MARCHF4: variants seen among roughly 807,000 people sequenced by gnomAD.
MARCHF4 encodes membrane associated ring-CH-type finger 4.
In MARCHF4, 14 loss-of-function variants were observed where a neutral mutation model predicts 43.9. The ratio of observed to expected loss-of-function variants is 0.32; its 90% CI spans 0.21 to 0.50. The LOEUF is 0.50. MARCHF4 is among the 20% of genes least tolerant of loss of function. MARCHF4 has a pLI of 0.98. For missense variants in MARCHF4, 468 were observed against 536.7 expected, an observed-to-expected ratio of 0.87 and a Z score of 1.27; for synonymous variants, 226 against 213.3, an observed-to-expected ratio of 1.06 and a Z score of -0.52.
intron 1 of MARCHF4, among the ~76,000 whole-genome samples, chr2:216,331,612 A>G (rs1692082276): frequency 1.3e-5 from 2 of 152,202 alleles, no homozygotes; most frequent in Non-Finnish European, 2.9e-5. Context: ...ATCCAATGAT[A>G]CATAAAATAG....
At chr2:216,268,561 A>G (rs1200233296) in intron 3 of MARCHF4, among the ~76,000 whole-genome samples, 1 of 152,192 alleles carries the variant, frequency 6.6e-6, no homozygotes, top group Non-Finnish European at 1.5e-5. Context: ...CACTTCTGCC[A>G]TGATTGTAAG....
At chr2:216,343,561 A>T (rs920121670) in intron 1 of MARCHF4, among the ~76,000 whole-genome samples, 1 of 152,148 alleles carries the variant, frequency 6.6e-6, no homozygotes, top group Non-Finnish European at 1.5e-5. Flanking sequence ...TTAGTCCATA[A>T]TAGCGTCAGA....
intron 1 of MARCHF4, among the ~76,000 whole-genome samples, chr2:216,299,476 T>A (rs1345605113): frequency 2.0e-5 from 3 of 152,120 alleles, no homozygotes; most frequent in Non-Finnish European, 4.4e-5. Context: ...CTCTGTAAGA[T>A]ACCTAGATAT....
At chr2:216,345,151 G>A (rs1490816426) in intron 1 of MARCHF4, among the ~76,000 whole-genome samples, 2 of 152,050 alleles carry the variant, frequency 1.3e-5, no homozygotes, top group African/African-American at 2.4e-5. Flanking sequence ...AGGCTGAATA[G>A]TGGGAGGTCC....
chr2:216,274,739 C>T (rs1046347023), intron 3 of MARCHF4, among the ~76,000 whole-genome samples: 5 of 152,176 alleles, frequency 3.3e-5, no homozygotes, highest in Non-Finnish European at 7.3e-5. Context: ...CCTATGAAAA[C>T]CCTGAACTGA....
intron 1 of MARCHF4, among the ~76,000 whole-genome samples, chr2:216,293,690 C>G (rs1406673504): frequency 1.2e-5 from 1 of 85,618 alleles, no homozygotes; most frequent in African/African-American, 2.8e-5. Context: ...GTGCTTTTCT[C>G]CCTATAATTT....
At chr2:216,296,692 A>G (rs973096893) in intron 1 of MARCHF4, among the ~76,000 whole-genome samples, 4 of 152,212 alleles carry the variant, frequency 2.6e-5, no homozygotes, top group African/African-American at 9.7e-5. Flanking sequence ...TTCTCTGCCC[A>G]CTTTATAAAG....
At chr2:216,348,597 T>C (rs550621827) in intron 1 of MARCHF4, among the ~76,000 whole-genome samples, 133 of 152,302 alleles carry the variant, frequency 8.7e-4, no homozygotes, top group Middle Eastern at 3.4e-3. Flanking sequence ...CACCCCTGTT[T>C]AGTATATCAT....
At chr2:216,309,372 C>T (rs958714647) in intron 1 of MARCHF4, among the ~76,000 whole-genome samples, 1 of 152,088 alleles carries the variant, frequency 6.6e-6, no homozygotes, top group African/African-American at 2.4e-5. Flanking sequence ...AACTCTTTTT[C>T]CAAAATATTT....
chr2:216,320,010 C>A (rs187079333), intron 1 of MARCHF4, among the ~76,000 whole-genome samples: 1 of 152,310 alleles, frequency 6.6e-6, no homozygotes, highest in East Asian at 1.9e-4. Context: ...AGTTTAGAAG[C>A]TGAATCATTA....
Position 216,371,854 on chromosome 2 carries a change from G to A in MARCHF4, c.-1594C>T, listed in dbSNP as rs1467744463. 1 of 152,180 alleles carries A rather than the reference G, an allele frequency of 6.6e-6. No homozygotes were observed. The highest frequency in any genetic ancestry group is 1.5e-5 in the Non-Finnish European group (1 of 68,062). 9.4% of individuals were successfully genotyped at this position (152,180 alleles called of 1,614,324 possible). On this transcript the variant is annotated 5_prime_UTR_variant, in exon 1 of 4. Transcript: ENST00000273067. ...CTCTGCCCCCGCTACCCCCACCAAG[G>A]GCGGCCTCGGCCCGCTCTCTGCCCC...
chr2:216,268,104 C>A (rs1690873345), intron 3 of MARCHF4, among the ~76,000 whole-genome samples: 1 of 152,194 alleles, frequency 6.6e-6, no homozygotes, highest in South Asian at 2.1e-4. Flanking sequence ...AGTTTTGTGG[C>A]CCAGCCCAAT....
chr2:216,327,957 CA>C (rs113198806), intron 1 of MARCHF4, among the ~76,000 whole-genome samples: 3,084 of 87,898 alleles, frequency 0.035, 82 homozygotes, highest in African/African-American at 0.11. Flanking sequence ...TATTAGCTTG[CA>C]AAAAAAAAAA....
At position 216,353,541 on chromosome 2, in the gene MARCHF4, TTTC is replaced by T. The variant is rs551222807; in HGVS notation, c.516+16201_516+16203del. ...GTCCCCTCACCTCTCTGGGTCCTTG[TTTC>T]TTCTTCTTCTTCTTTTTTTCTGCGA... On this transcript the variant is annotated intron_variant, in intron 1 of 3. Coordinates refer to ENST00000273067, the MANE Select transcript of MARCHF4 (RefSeq NM_020814.3). Among the ~76,000 whole-genome samples, 856 of 152,176 alleles carry T rather than the reference TTTC, an allele frequency of 5.6e-3. 8 individuals are homozygous for T. Among genetic ancestry groups the T allele is most frequent in the African/African-American group, 0.019 (792 of 41,512 alleles).
At chr2:216,262,199 A>C (rs937391919) in intron 3 of MARCHF4, among the ~76,000 whole-genome samples, 1 of 152,214 alleles carries the variant, frequency 6.6e-6, no homozygotes, top group Non-Finnish European at 1.5e-5. Context: ...AGGAGTGTGA[A>C]TTTACAAGGG....
Position 216,370,114 on chromosome 2 carries a change from C to A in MARCHF4, c.147G>T (p.Leu49=). 1 of 1,600,886 alleles carries A rather than the reference C, an allele frequency of 6.2e-7. No individual in the cohort carries two copies. The highest frequency in any genetic ancestry group is 1.7e-5 in the Admixed American group (1 of 57,820). Residue 49 remains leucine, a synonymous_variant, in exon 1 of 4, where the codon CTG becomes CTT. Coordinates refer to ENST00000273067, the MANE Select transcript of MARCHF4 (RefSeq NM_020814.3). ...KCRCRMLFND[L]KVFLLRRPPQ... Reference sequence around the variant, plus strand: ...GAGGGCGCCGCAGTAAGAAAACCTTCAGGTCATTGAAGAGCATGCGGCAGC... The same window carrying A: ...GAGGGCGCCGCAGTAAGAAAACCTTAAGGTCATTGAAGAGCATGCGGCAGC...
At chr2:216,333,317 A>G (rs1007544837) in intron 1 of MARCHF4, among the ~76,000 whole-genome samples, 2 of 152,276 alleles carry the variant, frequency 1.3e-5, no homozygotes, top group Non-Finnish European at 2.9e-5. Context: ...AACCCTGTAG[A>G]AAAATGAGTA....
At chr2:216,265,195 G>C (rs1690825103) in intron 3 of MARCHF4, among the ~76,000 whole-genome samples, 1 of 151,876 alleles carries the variant, frequency 6.6e-6, no homozygotes, top group Admixed American at 6.6e-5. Flanking sequence ...GAAATGAGGG[G>C]GCATAGTAAC....
chr2:216,306,480 G>A (rs1350022335), intron 1 of MARCHF4, among the ~76,000 whole-genome samples: 1 of 152,106 alleles, frequency 6.6e-6, no homozygotes, highest in Non-Finnish European at 1.5e-5. Context: ...AAAGTTTGCA[G>A]ATCTGAATTT....
Sources: gnomAD v4.1 joint callset for allele counts (sites outside exome capture counted in the v4.1 genomes callset) on GRCh38, gnomAD v4.1.1 for gene constraint, MANE v1.5 for transcripts, NCBI Gene and HGNC (gene_info 2026-07-23, HGNC 2026-07-21) for gene names.